Variants in NBR1 observed in about 807,000 individuals in gnomAD.
NBR1 encodes NBR1 autophagy cargo receptor, also known as next to BRCA1 gene 1 protein.
In NBR1, 59 loss-of-function variants were observed where a neutral mutation model predicts 115.5. The observed-to-expected ratio is 0.51, with a 90% CI of 0.41 to 0.63. NBR1 has a LOEUF of 0.63. NBR1 is among the 30% of genes least tolerant of loss of function. The pLI is 0.00. For missense variants in NBR1, 1,043 were observed against 1,150.5 expected (o/e 0.91, Z 1.35); for synonymous variants, 373 against 414.7 (o/e 0.90, Z 1.22).
chr17:43,209,619 G>T (rs1277626771), intron 20 of NBR1: 2 of 1,535,450 alleles, frequency 1.3e-6, no homozygotes, highest in Admixed American at 2.0e-5. Context: ...TGAAAGCCCC[G>T]AGTGAAGCAT....
chr17:43,177,981 G>T lies in NBR1; in HGVS notation c.148G>T (p.Asp50Tyr). Residue 50 changes from aspartate to tyrosine, a missense_variant, in exon 3 of 21, where the codon GAT becomes TAT. Asp to Tyr is a radical substitution (Grantham distance 160). Transcript: ENST00000590996. ...DLNTIQIKYL[D>Y]EENEEVSINS... Reference sequence around the variant, plus strand: ...GAATACTATTCAAATAAAATACCTGGATGAGGAAAATGAAGAGGTAAAATA... The same window carrying T: ...GAATACTATTCAAATAAAATACCTGTATGAGGAAAATGAAGAGGTAAAATA... The T allele has an allele frequency of 6.4e-7, 1 of 1,567,964 alleles. No individual in the cohort carries two copies. The highest frequency in any genetic ancestry group is 1.1e-5 in the South Asian group (1 of 89,646).
In NBR1 at chr17:43,185,457, C is replaced by G. The variant is rs144028232; in HGVS notation, c.208-793C>G. 2.5e-4 allele frequency among the ~76,000 whole-genome samples: 38 copies of G among 152,174 alleles called. 1 individual carries two copies. The East Asian group carries it at 7.4e-3, about 30-fold the overall frequency. On this transcript the variant is annotated intron_variant, in intron 5 of 20. Coordinates refer to ENST00000590996, the MANE Select transcript of NBR1 (RefSeq NM_005899.5). ...GTGCGCACCTGTAGTCCCAGTTACT[C>G]AGGAGGCTGAGGTGGGAGGATAGTT...
intron 20 of NBR1, chr17:43,209,548 T>C (rs369666099): frequency 4.6e-6 from 7 of 1,531,732 alleles, no homozygotes; most frequent in East Asian, 4.9e-5. Context: ...ATTACACTTA[T>C]GTTCACAGGG....
chr17:43,178,399 T>C (rs2056580001), intron 3 of NBR1, among the ~76,000 whole-genome samples: 2 of 147,686 alleles, frequency 1.4e-5, no homozygotes, highest in Non-Finnish European at 3.0e-5. Flanking sequence ...TTTTGTGAGA[T>C]GAAGCCTCAC....
At position 43,210,294 on chromosome 17, in the gene NBR1, C is replaced by T. The variant is rs2057395740; in HGVS notation, c.*220C>T. On this transcript the variant is annotated 3_prime_UTR_variant, in exon 21 of 21. Coordinates refer to ENST00000590996, the MANE Select transcript of NBR1 (RefSeq NM_005899.5). The stretch of plus-strand genomic sequence containing the variant: ...AGACATTGGATGAATAGTATGAAGA[C>T]AGTTTTTCAGTTGATTTGGATAAAA... 5.0e-6 allele frequency: 2 copies of T among 400,690 alleles called. No homozygotes were observed. Among genetic ancestry groups the T allele is most frequent in the Admixed American group, 8.8e-5 (2 of 22,846 alleles). 24.8% of individuals were successfully genotyped at this position (400,690 alleles called of 1,614,324 possible).
rs762862396 is a variant in NBR1, at chr17:43,193,094, G to T, written c.1074G>T (p.Met358Ile). 1 of 1,613,030 alleles carries T rather than the reference G, an allele frequency of 6.2e-7. No homozygotes were observed. Among genetic ancestry groups the T allele is most frequent in the Admixed American group, 1.7e-5 (1 of 59,876 alleles). Residue 358 changes from methionine (M) to isoleucine (I), a missense_variant and splice_region_variant, in exon 11 of 21, where the codon ATG becomes ATT. By Grantham distance (10) the Met-to-Ile change is conservative. Coordinates refer to ENST00000590996, the MANE Select transcript of NBR1 (RefSeq NM_005899.5). ...ACTAAGCATCTGAATTTCTGTTCAG[G>T]CTCCCTTTGCAGCCCTGTACCTCCG... ...PESLLQSNTL[M>I]LPLQPCTSVM...
chr17:43,188,645 A>T (rs1179605396), intron 6 of NBR1, among the ~76,000 whole-genome samples: 1 of 152,166 alleles, frequency 6.6e-6, no homozygotes, highest in Non-Finnish European at 1.5e-5. Context: ...TATAAGGTGT[A>T]AGGAAGGGGT....
intron 20 of NBR1, 146 bp downstream of exon 20, chr17:43,203,932 C>G (rs2057259051): frequency 2.4e-6 from 1 of 421,978 alleles, no homozygotes; most frequent in Non-Finnish European, 4.1e-6. Context: ...CAACACAACT[C>G]TGCCACTTTT....
intron 6 of NBR1, among the ~76,000 whole-genome samples, chr17:43,188,647 G>A (rs562847983): frequency 1.3e-5 from 2 of 152,298 alleles, no homozygotes; most frequent in African/African-American, 4.8e-5. Flanking sequence ...TAAGGTGTAA[G>A]GAAGGGGTCC....
At chr17:43,177,271 C>CAAA (rs35199211) in intron 2 of NBR1, among the ~76,000 whole-genome samples, 1 of 80,910 alleles carries the variant, frequency 1.2e-5, no homozygotes. Context: ...AGACCCATCT[C>CAAA]AAAAAAAAAA....
intron 1 of NBR1, among the ~76,000 whole-genome samples, chr17:43,174,466 CG>C (rs1567842854): frequency 1.3e-5 from 2 of 151,856 alleles, no homozygotes; most frequent in African/African-American, 2.4e-5. Flanking sequence ...GGCGTGGTGG[CG>C]GGCGCCTGTA....
chr17:43,194,839 G>T, intron 13 of NBR1, 125 bp from the exon 14 acceptor site: 1 of 716,410 alleles, frequency 1.4e-6, no homozygotes, highest in Non-Finnish European at 2.4e-6. Flanking sequence ...GTTTTCACTT[G>T]TCTGGGGACA....
chr17:43,189,152 C>T (rs536294835), intron 7 of NBR1, 33 bp downstream of exon 7: 31 of 1,445,360 alleles, frequency 2.1e-5, no homozygotes, highest in South Asian at 8.0e-5. Context: ...GTTTTAACTG[C>T]GGTGTTGGCA....
intron 20 of NBR1, among the ~76,000 whole-genome samples, chr17:43,209,181 G>A (rs531018463): frequency 1.1e-3 from 172 of 151,628 alleles, no homozygotes; most frequent in South Asian, 6.2e-3. Flanking sequence ...GGTTCACGCC[G>A]TTGTCCTGCC....
intron 1 of NBR1, among the ~76,000 whole-genome samples, chr17:43,172,223 G>C (rs1472733673): frequency 1.3e-5 from 2 of 152,184 alleles, no homozygotes; most frequent in Non-Finnish European, 2.9e-5. Context: ...CATAGCTTTG[G>C]TGTTTACACA....
chr17:43,197,362 A>G (rs1431030018), intron 16 of NBR1, among the ~76,000 whole-genome samples: 3 of 152,158 alleles, frequency 2.0e-5, no homozygotes, highest in African/African-American at 7.2e-5. Context: ...TACTAAAAAT[A>G]CAAAAAATTA....
At chr17:43,190,427 G>A in intron 8 of NBR1, 182 bp from the exon 9 acceptor site, 1 of 627,446 alleles carries the variant, frequency 1.6e-6, no homozygotes, top group Non-Finnish European at 2.8e-6. Flanking sequence ...AAATGGATAT[G>A]GGTTAAGTGT....
Position 43,201,618 on chromosome 17 carries a change from T to G in NBR1, c.2469-68T>G, listed in dbSNP as rs111930310. 706 of 909,044 alleles carry G rather than the reference T, an allele frequency of 7.8e-4. 1 individual carries two copies. In the African/African-American group the frequency reaches 9.9e-3, roughly 13 times the overall value. The allele number at this position is 909,044 out of a possible 1,614,324, so 56.3% of individuals were successfully genotyped here. Reference sequence around the variant, plus strand: ...AGAATTTGGCACTGCTGTGCTGTGTTTACTATTTCTCCACTGTTGCCATAA... The same window carrying G: ...AGAATTTGGCACTGCTGTGCTGTGTGTACTATTTCTCCACTGTTGCCATAA... On this transcript the variant is annotated intron_variant, in intron 17 of 20. Transcript: ENST00000590996.
At chr17:43,203,977 G>A (rs1366629312) in intron 20 of NBR1, among the ~76,000 whole-genome samples, 191 bp downstream of exon 20, 1 of 144,766 alleles carries the variant, frequency 6.9e-6, no homozygotes, top group Non-Finnish European at 1.5e-5. Context: ...TCGCTCTGTT[G>A]CCCAGGCTGG....
Sources: allele counts gnomAD v4.1 joint callset (sites outside exome capture counted in the v4.1 genomes callset), GRCh38; gene constraint gnomAD v4.1.1; transcripts MANE v1.5; gene names NCBI Gene and HGNC (gene_info 2026-07-23, HGNC 2026-07-21).